LAMA2: variants seen among roughly 807,000 people sequenced by gnomAD.
LAMA2 encodes the protein laminin subunit alpha-2.
Under a neutral mutation model 364.8 loss-of-function variants are expected in LAMA2, and 269 were observed. That is an observed-to-expected ratio of 0.74 (90% confidence interval 0.67 to 0.82). LAMA2 has a LOEUF of 0.82. Among genes scored for constraint, LAMA2 ranks in the 40% least tolerant of loss-of-function variants. The probability of loss-of-function intolerance (pLI) is 0.00; values close to 1 mark genes in which losing one functional copy is unlikely to be tolerated. For missense variants in LAMA2, 3,807 were observed against 3,873.2 expected (o/e 0.98, Z 0.45); for synonymous variants, 1,379 against 1,370.6 (o/e 1.01, Z -0.14).
intron 35 of LAMA2, 83 bp downstream of exon 35, chr6:129,383,316 T>G: frequency 1.9e-6 from 2 of 1,049,376 alleles, no homozygotes; most frequent in Non-Finnish European, 2.9e-6. Context: ...GGAATTTCTC[T>G]TGTTATAAGT....
chr6:129,353,172 C>G lies in LAMA2; in HGVS notation c.4532C>G (p.Pro1511Arg), dbSNP rs770886363. The G allele has an allele frequency of 6.2e-7, 1 of 1,613,328 alleles. No homozygotes were observed. The highest frequency in any genetic ancestry group is 1.7e-5 in the Admixed American group (1 of 60,000). ...YEGQYCERCA[P>R]GYTGSPGNPG... is the part of the protein sequence containing the mutation. The stretch of plus-strand genomic sequence containing the variant: ...TCACTGTTTCAATTCAGGTGTGCCC[C>G]TGGCTATACTGGCAGTCCAGGCAAC... The change falls in exon 32 of 65, where the codon CCT becomes CGT. Residue 1511 changes from proline (P) to arginine (R), a missense_variant. Coordinates refer to ENST00000421865, the MANE Select transcript of LAMA2 (RefSeq NM_000426.4).
chr6:129,152,543 C>T (rs940790210), intron 7 of LAMA2, among the ~76,000 whole-genome samples: 1 of 152,190 alleles, frequency 6.6e-6, no homozygotes, highest in African/African-American at 2.4e-5. Flanking sequence ...GCTACCACTA[C>T]TGCTACTAAC....
chr6:129,195,964 G>C (rs890784619), intron 12 of LAMA2, among the ~76,000 whole-genome samples: 2 of 152,178 alleles, frequency 1.3e-5, no homozygotes, highest in Non-Finnish European at 2.9e-5. Context: ...AATTCTCTTT[G>C]CATCTGTAAA....
chr6:129,511,374 C>T (rs1786559466), intron 62 of LAMA2, among the ~76,000 whole-genome samples: 1 of 152,092 alleles, frequency 6.6e-6, no homozygotes. Context: ...TCAGCTTCTT[C>T]TACCCTTTAC....
At chr6:129,333,576 A>C (rs1775779711) in intron 29 of LAMA2, among the ~76,000 whole-genome samples, 1 of 151,934 alleles carries the variant, frequency 6.6e-6, no homozygotes. Flanking sequence ...ATTATTGACT[A>C]AATAAATAAC....
At chr6:129,201,104 A>C (rs919716868) in intron 12 of LAMA2, among the ~76,000 whole-genome samples, 1 of 152,176 alleles carries the variant, frequency 6.6e-6, no homozygotes, top group Non-Finnish European at 1.5e-5. Context: ...GTTTTTAGAC[A>C]CTCTTCCACA....
At chr6:129,189,773 A>G (rs1239558286) in intron 10 of LAMA2, among the ~76,000 whole-genome samples, 3 of 152,206 alleles carry the variant, frequency 2.0e-5, no homozygotes. Flanking sequence ...TTATACATCC[A>G]TGCATTAATG....
chr6:128,975,393 G>A (rs2114626261), intron 1 of LAMA2, among the ~76,000 whole-genome samples: 1 of 152,218 alleles, frequency 6.6e-6, no homozygotes, highest in East Asian at 1.9e-4. Context: ...GATATTCCAG[G>A]TGAATAATTG....
At position 128,936,254 on chromosome 6, in the gene LAMA2, T is replaced by C. The variant is rs181932167; in HGVS notation, c.112+52897T>C. 2.8e-3 allele frequency among the ~76,000 whole-genome samples: 426 copies of C among 152,352 alleles called. 2 individuals carry two copies. Among genetic ancestry groups the C allele is most frequent in the African/African-American group, 9.6e-3 (400 of 41,588 alleles). On this transcript the variant is annotated intron_variant, in intron 1 of 64. Transcript: ENST00000421865. ...CGACTAATACAGCACCCTTATCTTA[T>C]TCCTAATCTCAGAAAAGCTTTCAAC...
intron 1 of LAMA2, among the ~76,000 whole-genome samples, chr6:128,972,991 G>A (rs577406554): frequency 2.0e-4 from 31 of 151,936 alleles, no homozygotes; most frequent in Non-Finnish European, 4.3e-4. Context: ...CAACTGAATG[G>A]CAACTATGAC....
intron 1 of LAMA2, among the ~76,000 whole-genome samples, chr6:128,960,855 G>T (rs959084803): frequency 6.6e-6 from 1 of 151,870 alleles, no homozygotes; most frequent in Admixed American, 6.6e-5. Flanking sequence ...AGTTCTCCGA[G>T]AATATTGACT....
At chr6:129,029,218 T>G (rs1230614826) in intron 1 of LAMA2, among the ~76,000 whole-genome samples, 1 of 151,804 alleles carries the variant, frequency 6.6e-6, no homozygotes, top group Non-Finnish European at 1.5e-5. Flanking sequence ...TGTGTGCAAG[T>G]GTGGAGAAAA....
chr6:129,132,618 T>TA (rs1777559417), intron 4 of LAMA2, among the ~76,000 whole-genome samples: 1 of 152,204 alleles, frequency 6.6e-6, no homozygotes. Flanking sequence ...GATGGAAACT[T>TA]ACTTATTCAT....
At chr6:129,130,797 G>A (rs1344140725) in intron 4 of LAMA2, among the ~76,000 whole-genome samples, 2 of 152,052 alleles carry the variant, frequency 1.3e-5, no homozygotes, top group African/African-American at 2.4e-5. Context: ...TTTTACAGGT[G>A]CCATTTTATA....
intron 1 of LAMA2, among the ~76,000 whole-genome samples, chr6:129,007,216 A>G (rs942733959): frequency 6.6e-6 from 1 of 152,068 alleles, no homozygotes; most frequent in African/African-American, 2.4e-5. Flanking sequence ...TCTATTTAAG[A>G]TGGATTTAGG....
chr6:129,187,703 C>T (rs367748467), intron 10 of LAMA2, among the ~76,000 whole-genome samples: 24 of 151,816 alleles, frequency 1.6e-4, no homozygotes, highest in Admixed American at 3.3e-4. Context: ...GGTATTTTTT[C>T]GGATTTTGGA....
intron 28 of LAMA2, among the ~76,000 whole-genome samples, chr6:129,322,885 A>T (rs1037796658): frequency 6.6e-6 from 1 of 152,220 alleles, no homozygotes; most frequent in African/African-American, 2.4e-5. Flanking sequence ...GTCATTTTCC[A>T]TCATTATATG....
At chr6:129,237,484 T>G (rs947567661) in intron 12 of LAMA2, among the ~76,000 whole-genome samples, 1 of 151,892 alleles carries the variant, frequency 6.6e-6, no homozygotes, top group Non-Finnish European at 1.5e-5. Context: ...TACAGGTGCT[T>G]GCCACCATGC....
intron 12 of LAMA2, among the ~76,000 whole-genome samples, chr6:129,224,549 G>T (rs893013079): frequency 6.6e-6 from 1 of 152,122 alleles, no homozygotes; most frequent in African/African-American, 2.4e-5. Context: ...AGAGTTTTTG[G>T]CATGAAGGGC....
Sources: allele counts gnomAD v4.1 joint callset (sites outside exome capture counted in the v4.1 genomes callset), GRCh38; gene constraint gnomAD v4.1.1; transcripts MANE v1.5; gene names NCBI Gene and HGNC (gene_info 2026-07-23, HGNC 2026-07-21).